PLXDC2: variants seen among roughly 807,000 people sequenced by gnomAD.
PLXDC2 encodes the protein plexin domain containing 2, also known as plexin domain-containing protein 2.
A neutral mutation model predicts 68.9 loss-of-function variants in PLXDC2; 40 were observed. The observed-to-expected ratio is 0.58, with a 90% CI of 0.45 to 0.76. The LOEUF (loss-of-function observed/expected upper bound fraction) is 0.76. Ranked by LOEUF, PLXDC2 falls within the 30% of genes least tolerant of loss-of-function variation. The pLI, the probability that PLXDC2 is intolerant of heterozygous loss-of-function variation, is 0.00. For synonymous variants in PLXDC2, 243 were observed against 234.2 expected, an observed-to-expected ratio of 1.04 and a Z score of -0.34; for missense variants, 644 against 661.9, an observed-to-expected ratio of 0.97 and a Z score of 0.30.
At chr10:19,852,852 T>C (rs937100842) in intron 1 of PLXDC2, among the ~76,000 whole-genome samples, 13 of 152,228 alleles carry the variant, frequency 8.5e-5, no homozygotes, top group African/African-American at 3.1e-4. Context: ...AGGAATCTGA[T>C]TGTGTAAAAA....
intron 4 of PLXDC2, among the ~76,000 whole-genome samples, chr10:20,101,263 A>T (rs1190192426): frequency 2.0e-5 from 3 of 152,170 alleles, no homozygotes; most frequent in Non-Finnish European, 4.4e-5. Flanking sequence ...CAGCTCAGCC[A>T]TTATCAGAAA....
intron 1 of PLXDC2, among the ~76,000 whole-genome samples, chr10:19,827,636 C>T (rs908274549): frequency 2.0e-5 from 3 of 151,426 alleles, no homozygotes; most frequent in Non-Finnish European, 2.9e-5. Flanking sequence ...TCTTGGCTCA[C>T]TGCAACCTCC....
At chr10:20,071,634 C>G (rs930457346) in intron 4 of PLXDC2, among the ~76,000 whole-genome samples, 3 of 152,190 alleles carry the variant, frequency 2.0e-5, no homozygotes, top group Admixed American at 2.0e-4. Flanking sequence ...AACTGTGAGT[C>G]CATTAAACCT....
At chr10:20,044,294 T>TTTC (rs1835758022) in intron 2 of PLXDC2, among the ~76,000 whole-genome samples, 1 of 115,090 alleles carries the variant, frequency 8.7e-6, no homozygotes, top group Non-Finnish European at 1.8e-5. Context: ...TCTTTCTTTC[T>TTTC]TCTTTCTCTC....
intron 12 of PLXDC2, among the ~76,000 whole-genome samples, chr10:20,221,390 C>T (rs1835210495): frequency 1.3e-5 from 2 of 152,308 alleles, no homozygotes; most frequent in Admixed American, 6.5e-5. Flanking sequence ...GTTGGATTCT[C>T]AGATGATATT....
chr10:20,216,495 G>A (rs1191844921), intron 10 of PLXDC2, among the ~76,000 whole-genome samples: 1 of 152,168 alleles, frequency 6.6e-6, no homozygotes, highest in African/African-American at 2.4e-5. Flanking sequence ...TAATGAAAAG[G>A]AGGCTGTCTC....
intron 9 of PLXDC2, among the ~76,000 whole-genome samples, chr10:20,179,657 A>G (rs1308262964): frequency 6.6e-6 from 1 of 152,100 alleles, no homozygotes; most frequent in Admixed American, 6.6e-5. Context: ...ATAATTTTTG[A>G]TGAAATATAT....
intron 1 of PLXDC2, among the ~76,000 whole-genome samples, chr10:19,947,559 AG>A (rs529619505): frequency 2.1e-3 from 324 of 152,364 alleles, no homozygotes; most frequent in African/African-American, 7.4e-3. Flanking sequence ...TAATATTATT[AG>A]ATCCACATTT....
intron 4 of PLXDC2, among the ~76,000 whole-genome samples, chr10:20,114,072 C>T (rs1418077727): frequency 6.6e-6 from 1 of 152,080 alleles, no homozygotes. Flanking sequence ...TGCAGTGAGC[C>T]GAGATTGTGC....
chr10:20,223,350 TC>T (rs1251519623), intron 12 of PLXDC2, among the ~76,000 whole-genome samples: 1 of 149,528 alleles, frequency 6.7e-6, no homozygotes, highest in African/African-American at 2.5e-5. Context: ...TCTCGCACTG[TC>T]CCCCCGGCTG....
intron 1 of PLXDC2, among the ~76,000 whole-genome samples, chr10:19,889,845 A>G (rs1837918481): frequency 6.6e-6 from 1 of 152,158 alleles, no homozygotes; most frequent in Non-Finnish European, 1.5e-5. Flanking sequence ...TCGTGTAGGC[A>G]CTGGGTTAAG....
chr10:20,180,281 G>T lies in PLXDC2; in HGVS notation c.1061+2872G>T, dbSNP rs1412833261. ...ACCTTTTGGTGTTTTATTGAATACC[G>T]AACACTTACTTAAAATCTTGGATTT... is the stretch of plus-strand genomic sequence containing the variant. On this transcript the variant is annotated intron_variant, in intron 9 of 13. Transcript: ENST00000377252. Among the ~76,000 whole-genome samples, 4 of 152,044 alleles carry T rather than the reference G, an allele frequency of 2.6e-5. No homozygotes were observed. In the East Asian group the frequency reaches 7.8e-4, roughly 30 times the overall value.
intron 1 of PLXDC2, among the ~76,000 whole-genome samples, chr10:19,889,683 G>C (rs1221229172): frequency 6.6e-6 from 1 of 152,136 alleles, no homozygotes; most frequent in Non-Finnish European, 1.5e-5. Flanking sequence ...TTGGAATATT[G>C]CAACTTTAAG....
intron 7 of PLXDC2, among the ~76,000 whole-genome samples, chr10:20,174,543 G>A (rs368680553): frequency 1.3e-5 from 2 of 151,936 alleles, no homozygotes; most frequent in African/African-American, 2.4e-5. Context: ...GGTTTGCTTC[G>A]ACCCTTTCTC....
At chr10:20,025,234 T>C (rs887619090) in intron 2 of PLXDC2, among the ~76,000 whole-genome samples, 3 of 151,970 alleles carry the variant, frequency 2.0e-5, no homozygotes, top group Middle Eastern at 3.4e-3. Flanking sequence ...CTCCCTTTGC[T>C]TTGCAACCTA....
chr10:20,132,365 G>A (rs973947937), intron 4 of PLXDC2, among the ~76,000 whole-genome samples: 3 of 152,126 alleles, frequency 2.0e-5, no homozygotes, highest in South Asian at 2.1e-4. Context: ...AATTCATTTG[G>A]TCTTCAGTCT....
chr10:19,883,061 G>T (rs980768878), intron 1 of PLXDC2, among the ~76,000 whole-genome samples: 1 of 150,070 alleles, frequency 6.7e-6, no homozygotes, highest in Non-Finnish European at 1.5e-5. Flanking sequence ...GGTTCACGCC[G>T]TTCTCCTGCC....
intron 1 of PLXDC2, among the ~76,000 whole-genome samples, chr10:19,885,011 C>G (rs545206478): frequency 8.6e-4 from 131 of 152,248 alleles, no homozygotes; most frequent in South Asian, 4.1e-3. Flanking sequence ...CTCTCCAGCA[C>G]CTGTTGTTTC....
intron 4 of PLXDC2, among the ~76,000 whole-genome samples, chr10:20,099,024 A>C (rs1009254793): frequency 5.9e-5 from 9 of 152,196 alleles, no homozygotes; most frequent in Non-Finnish European, 1.3e-4. Context: ...GATAATTATT[A>C]AGCAGCTTAA....
Sources: gnomAD v4.1 joint callset for allele counts (sites outside exome capture counted in the v4.1 genomes callset) on GRCh38, gnomAD v4.1.1 for gene constraint, MANE v1.5 for transcripts, NCBI Gene and HGNC (gene_info 2026-07-23, HGNC 2026-07-21) for gene names.